SKI: variants seen among roughly 807,000 people sequenced by gnomAD.
The protein encoded by SKI is SKI proto-oncogene.
SKI carries 23 observed loss-of-function variants against 59.3 expected under a neutral mutation model. The observed-to-expected ratio is 0.39, with a 90% CI of 0.28 to 0.55. The LOEUF (loss-of-function observed/expected upper bound fraction) is 0.55, where lower values mean the gene tolerates loss of function less well. Ranked by LOEUF, SKI falls within the 20% of genes least tolerant of loss-of-function variation. The pLI is 0.67. For synonymous variants in SKI, 673 were observed against 488.6 expected (o/e 1.38, Z -4.98); for missense variants, 1,017 against 1,038.9 (o/e 0.98, Z 0.29).
chr1:2,273,628 G>C, intron 1 of SKI, among the ~76,000 whole-genome samples: 1 of 152,170 alleles, frequency 6.6e-6, no homozygotes, highest in Non-Finnish European at 1.5e-5. Context: ...ACCTGGTGGG[G>C]GGTAAGAACA....
chr1:2,251,901 G>T (rs185719276), intron 1 of SKI, among the ~76,000 whole-genome samples: 1 of 152,194 alleles, frequency 6.6e-6, no homozygotes, highest in South Asian at 2.1e-4. Flanking sequence ...CGGGCACAGC[G>T]TGGCTGAACC....
At chr1:2,244,000 C>T (rs1372859423) in intron 1 of SKI, among the ~76,000 whole-genome samples, 1 of 152,022 alleles carries the variant, frequency 6.6e-6, no homozygotes, top group African/African-American at 2.4e-5. Context: ...GAGTCTCGCT[C>T]TGTCACCCAG....
chr1:2,304,159 C>T, intron 4 of SKI, 57 bp downstream of exon 4: 2 of 1,602,054 alleles, frequency 1.2e-6, no homozygotes, highest in Non-Finnish European at 1.7e-6. Flanking sequence ...GTGGCACTGG[C>T]TGAGGGGGGC....
intron 1 of SKI, among the ~76,000 whole-genome samples, chr1:2,295,219 G>A (rs892539919): frequency 5.3e-5 from 8 of 152,162 alleles, no homozygotes; most frequent in Non-Finnish European, 1.0e-4. Flanking sequence ...CCTGCGCCAG[G>A]AGCTGCCCCT....
intron 1 of SKI, among the ~76,000 whole-genome samples, chr1:2,291,749 C>A (rs562431874): frequency 6.6e-6 from 1 of 152,230 alleles, no homozygotes; most frequent in Non-Finnish European, 1.5e-5. Context: ...AGTGCCAAGG[C>A]CCCGAGGGAG....
intron 1 of SKI, among the ~76,000 whole-genome samples, chr1:2,271,276 G>A (rs575084721): frequency 5.9e-5 from 9 of 152,226 alleles, no homozygotes; most frequent in South Asian, 2.1e-4. Context: ...AAGAACACTT[G>A]CTGTCCTCCC....
rs1640605633 is a variant in SKI, at chr1:2,306,943, C to G, written c.*178C>G. On this transcript the variant is annotated 3_prime_UTR_variant, in exon 7 of 7. Transcript: ENST00000378536. ...TTGGAACCCACTGCAAAATTTTCTA[C>G]TGGCCAAGTTCAAGTGAGTAAGCCG... 1.8e-5 allele frequency: 7 copies of G among 391,750 alleles called. No individual in the cohort carries two copies. The highest frequency in any genetic ancestry group is 3.0e-5 in the Non-Finnish European group (7 of 233,824). The allele number at this position is 391,750 out of a possible 1,614,324, so 24.3% of individuals were successfully genotyped here. A position where few individuals can be genotyped will look rare whatever the true frequency, so the allele number is the denominator to read the frequency against.
At position 2,268,365 on chromosome 1, in the gene SKI, C is replaced by G. The variant is rs1416603869; in HGVS notation, c.970-34613C>G. On this transcript the variant is annotated intron_variant, in intron 1 of 6. Transcript: ENST00000378536. The surrounding 1 kb of genome is among the most constrained non-coding windows in gnomAD (Gnocchi z 5.0). ...TGCACCCTGGCCCGGGTGTGGGGTC[C>G]TGGTGCTCTGTGGCCTGGGACACCC... Among the ~76,000 whole-genome samples, 1 of 152,178 alleles carries G rather than the reference C, an allele frequency of 6.6e-6. No homozygotes were observed. Among genetic ancestry groups the G allele is most frequent in the Non-Finnish European group, 1.5e-5 (1 of 68,018 alleles).
chr1:2,300,558 G>A (rs1489026738), intron 1 of SKI, among the ~76,000 whole-genome samples: 3 of 152,248 alleles, frequency 2.0e-5, no homozygotes, highest in Admixed American at 6.5e-5. Flanking sequence ...ACGGCTGTCT[G>A]CTTCCTGGGG....
chr1:2,299,999 T>C (rs988626074), intron 1 of SKI, among the ~76,000 whole-genome samples: 3 of 152,248 alleles, frequency 2.0e-5, no homozygotes. Flanking sequence ...GCATAGGTCC[T>C]GTGGGCTTTG....
chr1:2,284,538 G>C (rs976530560), intron 1 of SKI, among the ~76,000 whole-genome samples: 5 of 152,344 alleles, frequency 3.3e-5, no homozygotes, highest in Middle Eastern at 3.4e-3. Context: ...GAGGTGCCTG[G>C]GGGGGCAGGG....
chr1:2,275,187 C>T (rs1478323213), intron 1 of SKI, among the ~76,000 whole-genome samples: 1 of 152,196 alleles, frequency 6.6e-6, no homozygotes, highest in Non-Finnish European at 1.5e-5. Flanking sequence ...GATGTGTTCG[C>T]GGGGTCCTGG....
At chr1:2,286,437 A>G (rs1208169729) in intron 1 of SKI, among the ~76,000 whole-genome samples, 2 of 152,210 alleles carry the variant, frequency 1.3e-5, no homozygotes, top group African/African-American at 4.8e-5. Context: ...CAGAGATTGC[A>G]GTGAACTATG....
Position 2,306,654 on chromosome 1 carries a change from C to T in SKI, c.2076C>T (p.Arg692=), listed in dbSNP as rs941016216. 5.2e-6 allele frequency: 8 copies of T among 1,544,788 alleles called. No individual in the cohort carries two copies. The highest frequency in any genetic ancestry group is 2.0e-5 in the Admixed American group (1 of 50,862). ...TGCGGGCCGACCTGCTGCGGGAGCG[C>T]GAGGCCCGGGAGCACCTGGAGAAGG... is the stretch of plus-strand genomic sequence containing the variant. ...EQLRADLLRE[R]EAREHLEKVV... The change falls in exon 7 of 7, where the codon CGC becomes CGT. Residue 692 remains arginine, a synonymous_variant. Coordinates refer to ENST00000378536, the MANE Select transcript of SKI (RefSeq NM_003036.4).
intron 1 of SKI, among the ~76,000 whole-genome samples, chr1:2,246,724 C>G (rs186063332): frequency 6.6e-6 from 1 of 152,156 alleles, no homozygotes; most frequent in African/African-American, 2.4e-5. Flanking sequence ...CTGCTGGGGC[C>G]GAAGGCTGTG....
chr1:2,305,716 T>A (rs1376455651), intron 5 of SKI, among the ~76,000 whole-genome samples: 1 of 152,192 alleles, frequency 6.6e-6, no homozygotes, highest in Non-Finnish European at 1.5e-5. Flanking sequence ...CTTGGCTTGC[T>A]GCCCCCAAGG....
rs548219721 is a variant in SKI at position 2,267,685 on chromosome 1, C to T, written c.970-35293C>T. Among the ~76,000 whole-genome samples the T allele has an allele frequency of 2.0e-5, 3 of 152,220 alleles. No homozygotes were observed. In the East Asian group the frequency reaches 5.8e-4, roughly 29 times the overall value. ...TGGGGGCGGGGGGCGCACCACACTT[C>T]AGGGATGCAGCCGGCCTTTGGGCTT... On this transcript the variant is annotated intron_variant, in intron 1 of 6. Coordinates refer to ENST00000378536, the MANE Select transcript of SKI (RefSeq NM_003036.4). This position sits in a 1 kb window ranked among gnomAD's most constrained non-coding sequence, Gnocchi z 4.1.
At chr1:2,277,517 T>C (rs1298285718) in intron 1 of SKI, among the ~76,000 whole-genome samples, 1 of 152,200 alleles carries the variant, frequency 6.6e-6, no homozygotes, top group African/African-American at 2.4e-5. Flanking sequence ...AAAAGTGCCT[T>C]TCACCACCCG....
chr1:2,264,834 CAG>C (rs1277612506), intron 1 of SKI, among the ~76,000 whole-genome samples: 1 of 151,196 alleles, frequency 6.6e-6, no homozygotes, highest in African/African-American at 2.4e-5. Context: ...TTTTTTGAGA[CAG>C]AATCTCACTC....
Sources: gnomAD v4.1 joint callset for allele counts (sites outside exome capture counted in the v4.1 genomes callset) on GRCh38, gnomAD v4.1.1 for gene constraint, Gnocchi (gnomAD v3.1) non-coding constraint, MANE v1.5 for transcripts, NCBI Gene and HGNC (gene_info 2026-07-23, HGNC 2026-07-21) for gene names.